The following C6 variants were observed in gnomAD, a reference collection of about 807,000 sequenced individuals.
The protein encoded by C6 is complement C6.
Under a neutral mutation model 112.9 loss-of-function variants are expected in C6, and 101 were observed. The ratio of observed to expected loss-of-function variants is 0.89; its 90% CI spans 0.76 to 1.06. C6 has a LOEUF of 1.06. Among genes scored for constraint, C6 ranks in the 50% least tolerant of loss-of-function variants. The probability of loss-of-function intolerance (pLI) is 0.00; values close to 1 mark genes in which losing one functional copy is unlikely to be tolerated. For synonymous variants in C6, 431 were observed against 384.1 expected (o/e 1.12, Z -1.43); for missense variants, 1,202 against 1,104.6 (o/e 1.09, Z -1.25).
intron 1 of C6, among the ~76,000 whole-genome samples, chr5:41,260,544 C>T (rs892737444): frequency 2.6e-5 from 4 of 151,056 alleles, no homozygotes; most frequent in African/African-American, 9.8e-5. Context: ...CCGAGGCGGT[C>T]GTATCACCTG....
At chr5:41,197,997 G>T (rs1023734095) in intron 4 of C6, among the ~76,000 whole-genome samples, 1 of 152,104 alleles carries the variant, frequency 6.6e-6, no homozygotes, top group Non-Finnish European at 1.5e-5. Flanking sequence ...CATTGGAAGC[G>T]ATTTGTGTCA....
intron 13 of C6, among the ~76,000 whole-genome samples, chr5:41,156,066 G>T (rs977474132): frequency 6.6e-6 from 1 of 152,024 alleles, no homozygotes; most frequent in Admixed American, 6.6e-5. Context: ...GGTAAAGTGG[G>T]TCTTAGACTT....
intron 1 of C6, among the ~76,000 whole-genome samples, chr5:41,239,883 T>C (rs1415682555): frequency 1.3e-5 from 2 of 152,304 alleles, no homozygotes; most frequent in African/African-American, 4.8e-5. Context: ...CTGGATATAG[T>C]GTCCTTGTCT....
intron 1 of C6, among the ~76,000 whole-genome samples, chr5:41,243,263 A>T (rs955768972): frequency 3.9e-5 from 6 of 152,174 alleles, no homozygotes; most frequent in African/African-American, 1.4e-4. Flanking sequence ...ACATCACTTT[A>T]CCTCCACACA....
chr5:41,199,735 G>T, intron 4 of C6, 33 bp downstream of exon 4: 1 of 1,606,102 alleles, frequency 6.2e-7, no homozygotes, highest in Middle Eastern at 1.7e-4. Context: ...GCTATTTTTA[G>T]TGGGGACTGA....
chr5:41,232,526 A>G (rs1167594010), intron 1 of C6, among the ~76,000 whole-genome samples: 1 of 152,138 alleles, frequency 6.6e-6, no homozygotes, highest in South Asian at 2.1e-4. Flanking sequence ...GAAGCTTGTT[A>G]GTACTAATAA....
At chr5:41,172,202 C>T (rs761005717) in intron 9 of C6, 23 bp downstream of exon 9, 9 of 1,613,150 alleles carry the variant, frequency 5.6e-6, no homozygotes, top group Non-Finnish European at 7.6e-6. Context: ...ACTGGATAAG[C>T]TGCTAAGAGA....
chr5:41,175,498 G>A (rs1241948983), intron 8 of C6, among the ~76,000 whole-genome samples: 1 of 152,162 alleles, frequency 6.6e-6, no homozygotes, highest in African/African-American at 2.4e-5. Flanking sequence ...AGAAAGAGAT[G>A]GAATGTGAGA....
At chr5:41,226,125 T>C (rs1272924199) in intron 1 of C6, among the ~76,000 whole-genome samples, 1 of 152,012 alleles carries the variant, frequency 6.6e-6, no homozygotes, top group African/African-American at 2.4e-5. Context: ...ACTAAAGAGC[T>C]TCTGCACAGC....
intron 1 of C6, among the ~76,000 whole-genome samples, chr5:41,204,670 C>CTTTTTTTTTTTTTTT (rs1196116815): frequency 6.1e-5 from 6 of 98,574 alleles, no homozygotes; most frequent in African/African-American, 1.9e-4. Flanking sequence ...TTTTTTTTTT[C>CTTTTTTTTTTTTTTT]TTTTTTTTTT....
chr5:41,164,396 G>A (rs1203787392), intron 9 of C6, among the ~76,000 whole-genome samples: 1 of 152,160 alleles, frequency 6.6e-6, no homozygotes, highest in Non-Finnish European at 1.5e-5. Flanking sequence ...CCATGGGCAA[G>A]GACCTGGAGT....
At chr5:41,226,023 A>G (rs1210964161) in intron 1 of C6, among the ~76,000 whole-genome samples, 1 of 152,194 alleles carries the variant, frequency 6.6e-6, no homozygotes, top group Non-Finnish European at 1.5e-5. Context: ...AGGTGATACC[A>G]TTCAGGACAT....
intron 1 of C6, among the ~76,000 whole-genome samples, chr5:41,235,017 G>T (rs919944308): frequency 1.3e-4 from 20 of 149,856 alleles, no homozygotes; most frequent in Non-Finnish European, 2.2e-4. Flanking sequence ...AGCCAAAAAT[G>T]AGGATAATAT....
rs143443464 is a variant in C6 at position 41,200,891 on chromosome 5, G to GTTTTTTTTTTTTTTTTT, written c.300+650_300+666dup. On this transcript the variant is annotated intron_variant, in intron 3 of 17. Transcript: ENST00000337836. ...TGTTTTTGTTGTTGTTGTTGTTGTT[G>GTTTTTTTTTTTTTTTTT]TTTTTTTTTTTTTTTTTTTTTTTTT... Among the ~76,000 whole-genome samples, 27 of 70,648 alleles carry GTTTTTTTTTTTTTTTTT rather than the reference G, an allele frequency of 3.8e-4. 4 individuals carry two copies. The highest frequency in any genetic ancestry group is 9.9e-4 in the East Asian group (2 of 2,012). The allele number at this position is 70,648 out of a possible 152,430, so 46.3% of individuals were successfully genotyped here.
intron 9 of C6, among the ~76,000 whole-genome samples, chr5:41,170,746 T>C (rs1429838775): frequency 6.6e-6 from 1 of 152,178 alleles, no homozygotes; most frequent in African/African-American, 2.4e-5. Context: ...CTTGTCTGTC[T>C]TCTCCATGAG....
chr5:41,207,043 C>T (rs948832116), intron 1 of C6, among the ~76,000 whole-genome samples: 1 of 152,208 alleles, frequency 6.6e-6, no homozygotes, highest in African/African-American at 2.4e-5. Flanking sequence ...AGAAACTCTA[C>T]AAGCCAGAAG....
At position 41,160,263 on chromosome 5, in the gene C6, G is replaced by T. The variant is rs760077826; in HGVS notation, c.1563C>A (p.Cys521Ter). Residue 521 changes from cysteine (C) to a stop codon, truncating the protein, a stop_gained, in exon 11 of 18, where the codon TGC (cysteine) becomes TGA (stop). Coordinates refer to ENST00000337836, the MANE Select transcript of C6 (RefSeq NM_000065.5). LOFTEE classifies it high-confidence loss of function. ...LQEYAAKFDPCQCAPCPNNGR... is the reference protein window; with the variant it reads ...LQEYAAKFDP Reference sequence around the variant, plus strand: ...CATTATTAGGGCATGGAGCACACTGGCAAGGATCGAACTTGGCTGCATACT... The same window carrying T: ...CATTATTAGGGCATGGAGCACACTGTCAAGGATCGAACTTGGCTGCATACT... 6.2e-7 allele frequency: 1 copy of T among 1,613,746 alleles called. No individual in the cohort carries two copies. Among genetic ancestry groups the T allele is most frequent in the African/African-American group, 1.3e-5 (1 of 74,898 alleles).
At chr5:41,250,284 T>C (rs1417815011) in intron 1 of C6, among the ~76,000 whole-genome samples, 1 of 152,210 alleles carries the variant, frequency 6.6e-6, no homozygotes, top group African/African-American at 2.4e-5. Context: ...AATTTGCATA[T>C]GTCACATAAC....
chr5:41,178,166 C>G (rs2150315219), intron 7 of C6, among the ~76,000 whole-genome samples: 1 of 152,194 alleles, frequency 6.6e-6, no homozygotes, highest in Middle Eastern at 3.4e-3. Flanking sequence ...GTTATTAAAC[C>G]ACATATAATC....
Sources: allele counts gnomAD v4.1 joint callset (sites outside exome capture counted in the v4.1 genomes callset), GRCh38; gene constraint gnomAD v4.1.1; transcripts MANE v1.5; gene names NCBI Gene and HGNC (gene_info 2026-07-23, HGNC 2026-07-21).